ANKS1B: variants seen among roughly 807,000 people sequenced by gnomAD.
ANKS1B encodes ankyrin repeat and sterile alpha motif domain containing 1B.
ANKS1B carries 36 observed loss-of-function variants against 148.3 expected under a neutral mutation model. That is an observed-to-expected ratio of 0.24 (90% CI 0.19 to 0.32). The LOEUF (loss-of-function observed/expected upper bound fraction) is 0.32, where lower values mean the gene tolerates loss of function less well. Among genes scored for constraint, ANKS1B ranks in the 10% least tolerant of loss-of-function variants. The pLI is 1.00. For missense variants in ANKS1B, 1,157 were observed against 1,542.6 expected (o/e 0.75, Z 4.19); for synonymous variants, 542 against 560.8 (o/e 0.97, Z 0.47).
At chr12:99,817,161 TCC>T (rs544453572) in intron 2 of ANKS1B, among the ~76,000 whole-genome samples, 1 of 76,392 alleles carries the variant, frequency 1.3e-5, no homozygotes, top group Non-Finnish European at 2.7e-5. Context: ...AAATCTCTTC[TCC>T]CCCCCCCCTT....
At chr12:99,154,905 C>T in intron 14 of ANKS1B, 2 of 1,535,304 alleles carry the variant, frequency 1.3e-6, no homozygotes, top group Non-Finnish European at 1.7e-6. Flanking sequence ...TAATAGCCAT[C>T]AGATAAGGCA....
chr12:99,847,597 C>T (rs1427647302), intron 1 of ANKS1B, among the ~76,000 whole-genome samples: 1 of 152,180 alleles, frequency 6.6e-6, no homozygotes, highest in Non-Finnish European at 1.5e-5. Context: ...TAAGTCATTC[C>T]CTTTTTGTCT....
intron 22 of ANKS1B, among the ~76,000 whole-genome samples, chr12:98,789,817 T>C (rs1415712510): frequency 3.9e-5 from 6 of 152,190 alleles, no homozygotes; most frequent in Non-Finnish European, 2.9e-5. Flanking sequence ...TGGGGATGAA[T>C]ATGTATAGGA....
rs971452016 is a variant in ANKS1B, at chr12:99,147,550, C to G, written c.2526+6739G>C. On this transcript the variant is annotated intron_variant, in intron 15 of 26. Coordinates refer to ENST00000683438, the MANE Select transcript of ANKS1B (RefSeq NM_001352186.2). ...AGTAGTGCTAAAGCAAATGTGTGCT[C>G]TAGAAAGATCACTCTGGCTGTAGGA... Among the ~76,000 whole-genome samples, 48 of 152,112 alleles carry G rather than the reference C, an allele frequency of 3.2e-4. 3 individuals carry two copies. The highest frequency in any genetic ancestry group is 5.9e-5 in the Non-Finnish European group (4 of 67,996).
At chr12:99,909,217 C>CATGTGTGTGTGT (rs1399208524) in intron 1 of ANKS1B, among the ~76,000 whole-genome samples, 2 of 137,314 alleles carry the variant, frequency 1.5e-5, no homozygotes, top group African/African-American at 5.5e-5. Flanking sequence ...AATATTCCAT[C>CATGTGTGTGTGT]GTGTGTGTGT....
At chr12:99,332,956 G>C (rs555274844) in intron 12 of ANKS1B, among the ~76,000 whole-genome samples, 1 of 151,932 alleles carries the variant, frequency 6.6e-6, no homozygotes, top group Non-Finnish European at 1.5e-5. Context: ...GGGCTGTATT[G>C]TAGCCTAAGC....
intron 17 of ANKS1B, among the ~76,000 whole-genome samples, chr12:98,978,346 G>T (rs1457063897): frequency 6.6e-6 from 1 of 151,956 alleles, no homozygotes; most frequent in Non-Finnish European, 1.5e-5. Flanking sequence ...AATTTTAGTT[G>T]GTGCCACAAG....
At chr12:98,990,799 A>G (rs1266593756) in intron 17 of ANKS1B, among the ~76,000 whole-genome samples, 3 of 152,204 alleles carry the variant, frequency 2.0e-5, no homozygotes, top group African/African-American at 2.4e-5. Context: ...TCTGTTAGGT[A>G]AGCACTAGGG....
Position 99,451,368 on chromosome 12 carries a change from C to T in ANKS1B, c.1439-7559G>A, listed in dbSNP as rs187267358. ...GCATGTAACAAACAGTTTAAGTATA[C>T]CAGGGACCATGATAGATGCTTTTCA... On this transcript the variant is annotated intron_variant, in intron 10 of 26. Coordinates refer to ENST00000683438, the MANE Select transcript of ANKS1B (RefSeq NM_001352186.2). Among the ~76,000 whole-genome samples the T allele has an allele frequency of 1.6e-4, 24 of 152,152 alleles. No homozygotes were observed. In the East Asian group the frequency reaches 4.2e-3, roughly 27 times the overall value.
intron 12 of ANKS1B, among the ~76,000 whole-genome samples, chr12:99,322,462 T>A (rs2085460416): frequency 1.4e-5 from 2 of 138,474 alleles, no homozygotes; most frequent in Admixed American, 7.4e-5. Context: ...TGTATATGTA[T>A]CCTGGAACTT....
At chr12:99,375,782 T>G (rs934470094) in intron 12 of ANKS1B, among the ~76,000 whole-genome samples, 1 of 152,204 alleles carries the variant, frequency 6.6e-6, no homozygotes, top group African/African-American at 2.4e-5. Context: ...GTAATGTTGC[T>G]TTCCATACAT....
chr12:99,869,139 A>C (rs926249786), intron 1 of ANKS1B, among the ~76,000 whole-genome samples: 8 of 152,146 alleles, frequency 5.3e-5, no homozygotes, highest in African/African-American at 4.8e-5. Flanking sequence ...TGAAAATGTC[A>C]ATTTCTCCAA....
chr12:99,434,008 GAATA>G (rs1269697665), intron 11 of ANKS1B, among the ~76,000 whole-genome samples: 4 of 152,028 alleles, frequency 2.6e-5, no homozygotes, highest in East Asian at 1.9e-4. Flanking sequence ...TGTGTTTATT[GAATA>G]AATAAATAAA....
At chr12:99,728,835 G>A (rs988708624) in intron 8 of ANKS1B, among the ~76,000 whole-genome samples, 2 of 152,276 alleles carry the variant, frequency 1.3e-5, no homozygotes, top group South Asian at 2.1e-4. Context: ...GGATGAAGCT[G>A]GAAGCCATCC....
chr12:99,326,881 T>C (rs1247082330), intron 12 of ANKS1B, among the ~76,000 whole-genome samples: 2 of 150,272 alleles, frequency 1.3e-5, no homozygotes, highest in East Asian at 1.9e-4. Context: ...ACATGAAAAC[T>C]ATATTTTTAT....
chr12:99,806,660 T>A lies in ANKS1B; in HGVS notation c.413A>T (p.Tyr138Phe). 1 of 1,613,976 alleles carries A rather than the reference T, an allele frequency of 6.2e-7. No homozygotes were observed. Among genetic ancestry groups the A allele is most frequent in the Non-Finnish European group, 8.5e-7 (1 of 1,179,872 alleles). Residue 138 changes from tyrosine (Y) to phenylalanine (F), a missense_variant, in exon 4 of 27, where the codon TAT (tyrosine) becomes TTT (phenylalanine). Physicochemically the swap from Tyr to Phe is conservative, Grantham distance 22 (BLOSUM62 3). Around this residue, in one of 6 missense-constraint regions of ANKS1B, gnomAD observed 164 missense variants for 232.6 expected, o/e 0.71. Coordinates refer to ENST00000683438, the MANE Select transcript of ANKS1B (RefSeq NM_001352186.2). ...AACAGCAACTACTTCTGAGTGTCCA[T>A]ATTGAGCTGCACAGTGTAGGGCAGT... The part of the protein sequence containing the change: ...NETALHCAAQ[Y>F]GHSEVVAVLL...
intron 12 of ANKS1B, among the ~76,000 whole-genome samples, chr12:99,344,273 A>T (rs2090353336): frequency 6.6e-6 from 1 of 152,010 alleles, no homozygotes. Context: ...TTGTTGACAC[A>T]TTCTTTTAGT....
rs559415594 is a variant in ANKS1B, at chr12:99,807,173, T to C, written c.373-473A>G. Among the ~76,000 whole-genome samples, 5 of 152,344 alleles carry C rather than the reference T, an allele frequency of 3.3e-5. No homozygotes were observed. The South Asian group carries it at 1.0e-3, about 32-fold the overall frequency. ...GTTTCCCAAATTAAGTTTCATTTTA[T>C]TTTCCATGTAAGTACAAATCATTGC... is the stretch of plus-strand genomic sequence containing the variant. On this transcript the variant is annotated intron_variant, in intron 3 of 26. Coordinates refer to ENST00000683438, the MANE Select transcript of ANKS1B (RefSeq NM_001352186.2).
chr12:99,398,827 C>T (rs1426060140), intron 12 of ANKS1B, among the ~76,000 whole-genome samples: 2 of 152,138 alleles, frequency 1.3e-5, no homozygotes, highest in Non-Finnish European at 1.5e-5. Flanking sequence ...TGTAACTTTC[C>T]CCTTTTTTGT....
Sources: gnomAD v4.1 joint callset for allele counts (sites outside exome capture counted in the v4.1 genomes callset) on GRCh38, gnomAD v4.1.1 for gene constraint, gnomAD v4.1.1 regional missense constraint, MANE v1.5 for transcripts, NCBI Gene and HGNC (gene_info 2026-07-23, HGNC 2026-07-21) for gene names.